PIGN: variants seen among roughly 807,000 people sequenced by gnomAD.
PIGN encodes phosphatidylinositol glycan anchor biosynthesis class N.
In PIGN, 117 loss-of-function variants were observed where a neutral mutation model predicts 125.4. The observed-to-expected ratio is 0.93, with a 90% CI of 0.80 to 1.09. PIGN has a LOEUF of 1.09. Among genes scored for constraint, PIGN ranks in the 50% least tolerant of loss-of-function variants. The pLI is 0.00. For synonymous variants in PIGN, 392 were observed against 377.8 expected (o/e 1.04, Z -0.44); for missense variants, 1,075 against 1,094.9 (o/e 0.98, Z 0.26).
chr18:62,107,010 G>T lies in PIGN; in HGVS notation c.1650C>A (p.Ala550=). Reference sequence around the variant, plus strand: ...CTAATACTTCAATTCCCAGGGTAAAGGCTAACAGGTACCCAACAAAATGGC... The same window carrying T: ...CTAATACTTCAATTCCCAGGGTAAATGCTAACAGGTACCCAACAAAATGGC... ...PLSHFVGYLL[A]FTLGIEVLVL... The change falls in exon 18 of 31, where the codon GCC becomes GCA. Residue 550 remains alanine (A), a synonymous_variant. Transcript: ENST00000640252. 1.9e-6 allele frequency: 3 copies of T among 1,587,954 alleles called. No individual in the cohort carries two copies. Among genetic ancestry groups the T allele is most frequent in the South Asian group, 1.2e-5 (1 of 86,550 alleles).
At chr18:62,167,644 CA>C (rs79152816) in intron 1 of PIGN, among the ~76,000 whole-genome samples, 81,404 of 138,306 alleles carry the variant, frequency 0.59, 23,975 homozygotes, top group East Asian at 0.79. Context: ...AAAAAAAAAA[CA>C]AAAAAAAAAC....
chr18:62,098,004 A>G (rs2034281832), intron 22 of PIGN, among the ~76,000 whole-genome samples: 1 of 152,194 alleles, frequency 6.6e-6, no homozygotes, highest in Non-Finnish European at 1.5e-5. Context: ...ATCACTTACT[A>G]ACTGTTTAAA....
chr18:62,101,330 G>A, intron 21 of PIGN, 147 bp from the exon 22 acceptor site: 2 of 589,472 alleles, frequency 3.4e-6, no homozygotes, highest in Non-Finnish European at 3.0e-6. Context: ...GGACAGTACA[G>A]GAACTGATGC....
chr18:62,074,645 T>C, intron 29 of PIGN, 134 bp downstream of exon 29: 2 of 540,826 alleles, frequency 3.7e-6, no homozygotes, highest in Non-Finnish European at 6.7e-6. Context: ...ACATAATTTA[T>C]TGTGTAAATT....
At chr18:62,019,947 G>C (rs2144857378) in intron 23 of PIGN, among the ~76,000 whole-genome samples, 1 of 152,364 alleles carries the variant, frequency 6.6e-6, no homozygotes, top group East Asian at 1.9e-4. Flanking sequence ...GAACTGAGGA[G>C]ACAGAAATTG....
rs2030398369 is a variant in PIGN, at chr18:62,041,979, C to T, written c.*3877G>A. On this transcript the variant is annotated 3_prime_UTR_variant, in exon 31 of 31. Coordinates refer to ENST00000640252, the MANE Select transcript of PIGN (RefSeq NM_176787.5). Reference sequence around the variant, plus strand: ...TTCCCTTAGAACTAATGTAAATATACCTATTTAAGGTGGTTTGACTAGATG... The same window carrying T: ...TTCCCTTAGAACTAATGTAAATATATCTATTTAAGGTGGTTTGACTAGATG... 1 of 152,034 alleles carries T rather than the reference C, an allele frequency of 6.6e-6. No individual in the cohort carries two copies. The highest frequency in any genetic ancestry group is 6.6e-5 in the Admixed American group (1 of 15,266). 9.4% of individuals were successfully genotyped at this position (152,034 alleles called of 1,614,324 possible).
At chr18:62,038,379 T>G (rs547539357), downstream of PIGN, among the ~76,000 whole-genome samples, 1 of 144,274 alleles carries the variant, frequency 6.9e-6, no homozygotes, top group South Asian at 2.4e-4. Context: ...TAATTGAACT[T>G]GGCCAAAAAC....
Position 62,113,381 on chromosome 18 carries a change from A to T in PIGN, c.1252-65T>A, listed in dbSNP as rs1412110038. Reference sequence around the variant, plus strand: ...ATAAGAAAACCTACATTTTAAAGAAAGGAAAATTTTAAATTCCTAACAGCC... The same window carrying T: ...ATAAGAAAACCTACATTTTAAAGAATGGAAAATTTTAAATTCCTAACAGCC... On this transcript the variant is annotated intron_variant, in intron 15 of 30. Coordinates refer to ENST00000640252, the MANE Select transcript of PIGN (RefSeq NM_176787.5). 3.9e-6 allele frequency: 5 copies of T among 1,294,924 alleles called. No individual in the cohort carries two copies. In the African/African-American group the frequency reaches 7.5e-5, roughly 19 times the overall value. The allele number at this position is 1,294,924 out of a possible 1,614,324, so 80.2% of individuals were successfully genotyped here.
At chr18:62,112,014 G>A (rs752773951) in intron 16 of PIGN, among the ~76,000 whole-genome samples, 2 of 152,144 alleles carry the variant, frequency 1.3e-5, no homozygotes, top group Non-Finnish European at 2.9e-5. Flanking sequence ...GACTGCTCTG[G>A]ATTAAAGTCT....
At chr18:62,152,397 G>T (rs954244862) in intron 7 of PIGN, among the ~76,000 whole-genome samples, 1 of 151,794 alleles carries the variant, frequency 6.6e-6, no homozygotes, top group Non-Finnish European at 1.5e-5. Context: ...GTATAATGAG[G>T]CATGTCCAAC....
At chr18:62,022,103 C>G (rs1449830344) in intron 23 of PIGN, among the ~76,000 whole-genome samples, 4 of 152,170 alleles carry the variant, frequency 2.6e-5, no homozygotes, top group Non-Finnish European at 5.9e-5. Flanking sequence ...AAGATCCCCC[C>G]TCCAGTCTGC....
At chr18:62,123,151 G>A (rs2035372269) in intron 14 of PIGN, among the ~76,000 whole-genome samples, 1 of 152,090 alleles carries the variant, frequency 6.6e-6, no homozygotes, top group African/African-American at 2.4e-5. Context: ...GAGGCAGGAG[G>A]ACAGCTTGAG....
chr18:62,051,925 G>A (rs1227986235), intron 30 of PIGN: 1 of 152,104 alleles, frequency 6.6e-6, no homozygotes, highest in African/African-American at 2.4e-5. Flanking sequence ...TGGTTTCAAA[G>A]AACATCTTTA....
chr18:62,159,753 G>A (rs1048810164), intron 4 of PIGN, among the ~76,000 whole-genome samples: 9 of 152,130 alleles, frequency 5.9e-5, no homozygotes, highest in Admixed American at 5.9e-4. Flanking sequence ...TATGTTATAG[G>A]AACTGGAGAT....
At chr18:62,143,769 T>G (rs1599621774) in intron 10 of PIGN, among the ~76,000 whole-genome samples, 1 of 152,182 alleles carries the variant, frequency 6.6e-6, no homozygotes, top group Non-Finnish European at 1.5e-5. Flanking sequence ...TGGCAGTTCC[T>G]CCCAAAACAC....
chr18:62,146,134 T>C (rs1275825940), intron 9 of PIGN, 109 bp from the exon 10 acceptor site: 1 of 459,994 alleles, frequency 2.2e-6, no homozygotes, highest in Non-Finnish European at 3.9e-6. Context: ...TATAGTTAAT[T>C]CTAGTGACTA....
chr18:62,083,292 G>A (rs2033536891), intron 27 of PIGN, among the ~76,000 whole-genome samples: 1 of 152,110 alleles, frequency 6.6e-6, no homozygotes, highest in East Asian at 1.9e-4. Flanking sequence ...TTGAAATAAA[G>A]CTATAGTAAA....
chr18:62,085,408 T>A (rs2033651139), intron 25 of PIGN, 144 bp from the exon 26 acceptor site: 2 of 652,608 alleles, frequency 3.1e-6, no homozygotes, highest in South Asian at 3.7e-5. Flanking sequence ...CATTCCATTA[T>A]AACTCCTTGT....
At chr18:62,094,816 G>A (rs566383751) in intron 23 of PIGN, among the ~76,000 whole-genome samples, 4 of 152,232 alleles carry the variant, frequency 2.6e-5, no homozygotes, top group African/African-American at 7.2e-5. Flanking sequence ...TTAGGCAGGG[G>A]GAAGGGAAAC....
Sources: allele counts gnomAD v4.1 joint callset (sites outside exome capture counted in the v4.1 genomes callset), GRCh38; gene constraint gnomAD v4.1.1; transcripts MANE v1.5; gene names NCBI Gene and HGNC (gene_info 2026-07-23, HGNC 2026-07-21).